Variants in HECTD4 observed in about 807,000 individuals in gnomAD.
HECTD4 encodes the protein HECT domain E3 ubiquitin protein ligase 4.
Under a neutral mutation model 471.5 loss-of-function variants are expected in HECTD4, and 114 were observed. That is an observed-to-expected ratio of 0.24 (90% CI 0.21 to 0.28). The LOEUF is 0.28. Among genes scored for constraint, HECTD4 ranks in the 10% least tolerant of loss-of-function variants. The probability of loss-of-function intolerance (pLI) is 1.00; values close to 1 mark genes in which losing one functional copy is unlikely to be tolerated. For missense variants in HECTD4, 3,866 were observed against 5,651.5 expected, an observed-to-expected ratio of 0.68 and a Z score of 10.13; for synonymous variants, 2,012 against 2,256.0, an observed-to-expected ratio of 0.89 and a Z score of 3.07.
chr12:112,334,566 G>A (rs1343780020), intron 1 of HECTD4, among the ~76,000 whole-genome samples: 2 of 150,746 alleles, frequency 1.3e-5, no homozygotes, highest in Non-Finnish European at 3.0e-5. Flanking sequence ...AGGCCGAGGC[G>A]GGCAGATCAC....
intron 43 of HECTD4, 102 bp from the exon 44 acceptor site, chr12:112,226,860 C>T (rs1593951883): frequency 1.3e-6 from 1 of 753,090 alleles, no homozygotes; most frequent in South Asian, 2.0e-5. Flanking sequence ...CCCCAGTTTA[C>T]AACAAGGTTC....
chr12:112,288,932 G>A (rs2034815427), intron 7 of HECTD4, among the ~76,000 whole-genome samples: 1 of 152,174 alleles, frequency 6.6e-6, no homozygotes, highest in African/African-American at 2.4e-5. Flanking sequence ...CTTGGGGATT[G>A]TTCACTGAGT....
At chr12:112,321,099 C>T (rs2035577078) in intron 1 of HECTD4, among the ~76,000 whole-genome samples, 2 of 152,014 alleles carry the variant, frequency 1.3e-5, no homozygotes, top group African/African-American at 4.8e-5. Flanking sequence ...CCACCTCGGC[C>T]TCCCAAAGTG....
At chr12:112,269,596 G>A in intron 13 of HECTD4, 108 bp downstream of exon 13, 1 of 1,179,964 alleles carries the variant, frequency 8.5e-7, no homozygotes, top group South Asian at 1.5e-5. Context: ...GGTCCCAATT[G>A]TGGGATGGGG....
chr12:112,266,017 G>T, intron 14 of HECTD4, 34 bp from the exon 15 acceptor site: 1 of 1,433,022 alleles, frequency 7.0e-7, no homozygotes, highest in Non-Finnish European at 9.8e-7. Context: ...AACTACCCTG[G>T]TAATGACTCC....
intron 44 of HECTD4, among the ~76,000 whole-genome samples, chr12:112,220,919 A>G (rs190102519): frequency 1.3e-5 from 2 of 152,320 alleles, no homozygotes; most frequent in East Asian, 3.9e-4. Flanking sequence ...GTTTGAGACC[A>G]GCCTGGGAGA....
chr12:112,274,990 G>A, intron 9 of HECTD4, 30 bp from the exon 10 acceptor site: 1 of 1,240,254 alleles, frequency 8.1e-7, no homozygotes, highest in South Asian at 1.4e-5. Flanking sequence ...GCTGTTTAAT[G>A]AGCCTGAAGA....
At position 112,365,439 on chromosome 12, in the gene HECTD4, T is replaced by A. The variant is rs11066273; in HGVS notation, c.177+16513A>T. 0.055 allele frequency among the ~76,000 whole-genome samples: 8,431 copies of A among 152,012 alleles called. 1,293 individuals are homozygous for A. The East Asian group carries it at 0.61, about 11-fold the overall frequency. On this transcript the variant is annotated intron_variant, in intron 1 of 75. Transcript: ENST00000682272. ...TTAAAAATAAAATATTACCACTGAG[T>A]TCTTTTAAAATTTTTTTTGCATGAA... is the stretch of plus-strand genomic sequence containing the variant.
Position 112,270,216 on chromosome 12 carries a change from A to G in HECTD4, c.2175+11T>C, listed in dbSNP as rs763262919. 1.3e-6 allele frequency: 2 copies of G among 1,598,776 alleles called. No individual in the cohort carries two copies. The highest frequency in any genetic ancestry group is 1.7e-6 in the Non-Finnish European group (2 of 1,166,270). On this transcript the variant is annotated intron_variant, in intron 12 of 75. Transcript: ENST00000682272. ...TCTATCATCTTATTTATTTCAAAAC[A>G]GTGTATTTACCTGAAAGACAACGAG... is the stretch of plus-strand genomic sequence containing the variant.
Position 112,230,562 on chromosome 12 carries a change from C to A in HECTD4, c.6336+125G>T, listed in dbSNP as rs1474486297. The A allele has an allele frequency of 2.6e-6, 3 of 1,154,474 alleles. No homozygotes were observed. The East Asian group carries it at 8.0e-5, about 31-fold the overall frequency. 71.5% of individuals were successfully genotyped at this position (1,154,474 alleles called of 1,614,324 possible). Reference sequence around the variant, plus strand: ...AGTAAAGCAACTTCCAGGGGAAAGTCAGTTAACAGGTATCTGATGAATTTG... The same window carrying A: ...AGTAAAGCAACTTCCAGGGGAAAGTAAGTTAACAGGTATCTGATGAATTTG... On this transcript the variant is annotated intron_variant, in intron 40 of 75. Coordinates refer to ENST00000682272, the MANE Select transcript of HECTD4 (RefSeq NM_001388303.1).
chr12:112,364,524 G>GT (rs2036522330), intron 1 of HECTD4, among the ~76,000 whole-genome samples: 1 of 152,140 alleles, frequency 6.6e-6, no homozygotes. Context: ...CAGCCCAGGA[G>GT]TTTGAGACCA....
In HECTD4 at chr12:112,164,154, C is replaced by G. The variant is rs761022667; in HGVS notation, c.12656G>C (p.Gly4219Ala). Residue 4219 changes from glycine (G) to alanine (A), a missense_variant, in exon 73 of 76, where the codon GGC becomes GCC. By Grantham distance (60) the Gly-to-Ala change is moderately conservative. Coordinates refer to ENST00000682272, the MANE Select transcript of HECTD4 (RefSeq NM_001388303.1). ...CCRFTYLTMTGEEVELCSRGR... is the reference protein window; with the variant it reads ...CCRFTYLTMTAEEVELCSRGR... The stretch of plus-strand genomic sequence containing the variant: ...CCGGCTGCACAGCTCCACCTCCTCG[C>G]CCGTCATGGTCAGGTAGGTGAACCT... The G allele has an allele frequency of 6.2e-7, 1 of 1,613,180 alleles. No individual in the cohort carries two copies. The highest frequency in any genetic ancestry group is 8.5e-7 in the Non-Finnish European group (1 of 1,179,762).
chr12:112,332,841 T>G (rs144250891), intron 1 of HECTD4, among the ~76,000 whole-genome samples: 1 of 151,482 alleles, frequency 6.6e-6, no homozygotes, highest in Non-Finnish European at 1.5e-5. Context: ...CCTGAACCCA[T>G]TAGCAGTCAC....
At chr12:112,191,042 G>T in intron 59 of HECTD4, 77 bp from the exon 60 acceptor site, 1 of 1,260,398 alleles carries the variant, frequency 7.9e-7, no homozygotes, top group Non-Finnish European at 1.1e-6. Context: ...GGTCCTGCCA[G>T]GTGTGCATGT....
At chr12:112,325,594 T>C (rs1007422752) in intron 1 of HECTD4, among the ~76,000 whole-genome samples, 4 of 152,212 alleles carry the variant, frequency 2.6e-5, no homozygotes, top group African/African-American at 9.6e-5. Flanking sequence ...ACCACTGCTC[T>C]TGACCAAAAT....
At chr12:112,275,827 T>C (rs1350142524) in intron 9 of HECTD4, among the ~76,000 whole-genome samples, 1 of 152,144 alleles carries the variant, frequency 6.6e-6, no homozygotes, top group Admixed American at 6.6e-5. Flanking sequence ...TTAAACAAAA[T>C]GGGACAGTGG....
intron 25 of HECTD4, 153 bp downstream of exon 25, chr12:112,249,991 G>T: frequency 1.5e-6 from 1 of 649,556 alleles, no homozygotes; most frequent in Non-Finnish European, 2.7e-6. Context: ...AATACTGCCT[G>T]GTGGGCCCTC....
chr12:112,163,104 C>T lies in HECTD4; in HGVS notation c.13058G>A (p.Gly4353Asp), dbSNP rs1344730577. ...CGGGGGCACATGGGCAGTGTCGGGA[C>T]CCCCATCTTTGCAGGGGCAGGTGAA... ...IPFTCPCKDG[G>D]PDTAHVPPYP... Residue 4353 changes from glycine to aspartate, a missense_variant, in exon 75 of 76, where the codon GGT becomes GAT. By Grantham distance (94) the Gly-to-Asp change is moderately conservative. This residue lies in a region of HECTD4 where 715 missense variants were observed against 1,087.6 expected (regional missense o/e 0.66). Coordinates refer to ENST00000682272, the MANE Select transcript of HECTD4 (RefSeq NM_001388303.1). This position sits in a 1 kb window ranked among gnomAD's most constrained non-coding sequence, Gnocchi z 8.2. 7 of 1,613,926 alleles carry T rather than the reference C, an allele frequency of 4.3e-6. No individual in the cohort carries two copies. The highest frequency in any genetic ancestry group is 5.9e-6 in the Non-Finnish European group (7 of 1,179,844).
At chr12:112,247,214 C>T (rs2033782193) in intron 28 of HECTD4, 138 bp from the exon 29 acceptor site, 2 of 710,810 alleles carry the variant, frequency 2.8e-6, no homozygotes, top group Non-Finnish European at 4.6e-6. Flanking sequence ...TGCTTACTTC[C>T]CTGTTTCCTC....
Sources: gnomAD v4.1 joint callset for allele counts (sites outside exome capture counted in the v4.1 genomes callset) on GRCh38, gnomAD v4.1.1 for gene constraint, gnomAD v4.1.1 regional missense constraint, Gnocchi (gnomAD v3.1) non-coding constraint, MANE v1.5 for transcripts, NCBI Gene and HGNC (gene_info 2026-07-23, HGNC 2026-07-21) for gene names.